MAML3: variants seen among roughly 807,000 people sequenced by gnomAD.
MAML3 encodes the protein mastermind-like protein 3.
A neutral mutation model predicts 101.9 loss-of-function variants in MAML3; 27 were observed. The observed-to-expected ratio is 0.27, with a 90% confidence interval of 0.20 to 0.37. The LOEUF (loss-of-function observed/expected upper bound fraction) is 0.37. MAML3 is among the 10% of genes least tolerant of loss of function. The pLI, the probability that MAML3 is intolerant of heterozygous loss-of-function variation, is 1.00. For missense variants in MAML3, 1,316 were observed against 1,444.9 expected (o/e 0.91, Z 1.45); for synonymous variants, 501 against 555.9 (o/e 0.90, Z 1.39).
At chr4:139,993,558 G>A (rs1578633701) in intron 1 of MAML3, among the ~76,000 whole-genome samples, 4 of 151,698 alleles carry the variant, frequency 2.6e-5, no homozygotes, top group Admixed American at 2.0e-4. Flanking sequence ...TGGCGCAGTG[G>A]CTCACTCCTG....
chr4:139,875,746 G>A (rs1732103152), intron 2 of MAML3, among the ~76,000 whole-genome samples: 1 of 152,052 alleles, frequency 6.6e-6, no homozygotes, highest in Non-Finnish European at 1.5e-5. Flanking sequence ...TGAAGGCAGT[G>A]AGCCACACAG....
At chr4:140,083,963 CACACAGAGAGAG>C (rs777477121) in intron 1 of MAML3, among the ~76,000 whole-genome samples, 28,533 of 65,638 alleles carry the variant, frequency 0.43, 3,308 homozygotes, top group Non-Finnish European at 0.5. Flanking sequence ...CACACACACA[CACACAGAGAGAG>C]AGAGAGAGAG....
intron 2 of MAML3, among the ~76,000 whole-genome samples, chr4:139,753,832 A>G (rs1729584644): frequency 6.6e-6 from 1 of 152,200 alleles, no homozygotes; most frequent in African/African-American, 2.4e-5. Context: ...ACCAAGACGC[A>G]CGGGTATGGC....
At chr4:140,128,981 G>A (rs914777445) in intron 1 of MAML3, among the ~76,000 whole-genome samples, 2 of 152,050 alleles carry the variant, frequency 1.3e-5, no homozygotes, top group East Asian at 1.9e-4. Flanking sequence ...GACCAACATC[G>A]AGAGGTCATC....
chr4:139,929,926 TG>T (rs1578602527), intron 1 of MAML3, among the ~76,000 whole-genome samples: 1 of 152,186 alleles, frequency 6.6e-6, no homozygotes, highest in East Asian at 1.9e-4. Flanking sequence ...TAAGGAAGTC[TG>T]GTGTGAATGC....
intron 1 of MAML3, among the ~76,000 whole-genome samples, chr4:140,104,554 C>A (rs12163869): frequency 0.17 from 24,276 of 144,722 alleles, 2,607 homozygotes; most frequent in Middle Eastern, 0.33. Context: ...TTCATTGCAA[C>A]CTCCACCTCC....
intron 1 of MAML3, among the ~76,000 whole-genome samples, chr4:140,026,404 G>A (rs895271893): frequency 1.3e-5 from 2 of 151,974 alleles, no homozygotes; most frequent in Admixed American, 6.6e-5. Context: ...ACAGGCATGC[G>A]CCACTACACC....
intron 1 of MAML3, among the ~76,000 whole-genome samples, chr4:140,056,713 G>A (rs1426687987): frequency 6.6e-6 from 1 of 151,548 alleles, no homozygotes; most frequent in Non-Finnish European, 1.5e-5. Context: ...GGGAGGCTAA[G>A]GCAGGAGAAT....
intron 2 of MAML3, among the ~76,000 whole-genome samples, chr4:139,848,272 G>A (rs951178665): frequency 1.3e-5 from 2 of 152,182 alleles, no homozygotes; most frequent in Non-Finnish European, 2.9e-5. Flanking sequence ...TGACAGCATC[G>A]ACGGCTGCTT....
At chr4:139,747,272 G>C (rs1441055145) in intron 2 of MAML3, among the ~76,000 whole-genome samples, 1 of 152,194 alleles carries the variant, frequency 6.6e-6, no homozygotes, top group Non-Finnish European at 1.5e-5. Context: ...GGCGCCGGTG[G>C]GAGGAGGGAG....
chr4:139,881,473 C>T (rs1732217036), intron 2 of MAML3, among the ~76,000 whole-genome samples: 1 of 152,156 alleles, frequency 6.6e-6, no homozygotes, highest in Non-Finnish European at 1.5e-5. Context: ...AAACAATCTA[C>T]AAACATTGAC....
chr4:139,899,526 C>T (rs1168799278), intron 1 of MAML3, among the ~76,000 whole-genome samples: 2 of 152,132 alleles, frequency 1.3e-5, no homozygotes, highest in Admixed American at 1.3e-4. Context: ...TCGGGCTCTG[C>T]GCCAGGTGCC....
chr4:139,987,302 C>T (rs1734556197), intron 1 of MAML3, among the ~76,000 whole-genome samples: 1 of 152,094 alleles, frequency 6.6e-6, no homozygotes, highest in African/African-American at 2.4e-5. Context: ...AGCAAACAGC[C>T]TCAAAGAAAA....
chr4:139,788,406 A>G (rs1730343841), intron 2 of MAML3, among the ~76,000 whole-genome samples: 1 of 152,188 alleles, frequency 6.6e-6, no homozygotes, highest in Non-Finnish European at 1.5e-5. Flanking sequence ...CTGATTTCTT[A>G]TCTTAGATAC....
intron 1 of MAML3, among the ~76,000 whole-genome samples, chr4:139,964,776 A>T (rs1734094466): frequency 6.6e-6 from 1 of 151,390 alleles, no homozygotes; most frequent in Non-Finnish European, 1.5e-5. Context: ...CTTATTTTAG[A>T]TTTCTTCCAT....
At chr4:139,772,416 A>G (rs897726227) in intron 2 of MAML3, among the ~76,000 whole-genome samples, 48 of 151,368 alleles carry the variant, frequency 3.2e-4, no homozygotes, top group Non-Finnish European at 1.2e-4. Context: ...ATCTCGGCTC[A>G]CTGCAACCTC....
At chr4:139,775,362 T>G (rs1204487395) in intron 2 of MAML3, among the ~76,000 whole-genome samples, 1 of 152,060 alleles carries the variant, frequency 6.6e-6, no homozygotes, top group Non-Finnish European at 1.5e-5. Flanking sequence ...AGGATGAGAG[T>G]AACCCTTCAA....
intron 1 of MAML3, among the ~76,000 whole-genome samples, chr4:140,124,251 T>G (rs1728652460): frequency 6.6e-6 from 1 of 152,212 alleles, no homozygotes; most frequent in South Asian, 2.1e-4. Context: ...GTGTCTATGT[T>G]AGCACCTTGA....
At chr4:140,066,936 T>C (rs1727546304) in intron 1 of MAML3, among the ~76,000 whole-genome samples, 1 of 152,262 alleles carries the variant, frequency 6.6e-6, no homozygotes, top group South Asian at 2.1e-4. Context: ...AGGGATTTTA[T>C]ACCACACAGG....
Sources: gnomAD v4.1 joint callset for allele counts (sites outside exome capture counted in the v4.1 genomes callset) on GRCh38, gnomAD v4.1.1 for gene constraint, MANE v1.5 for transcripts, NCBI Gene and HGNC (gene_info 2026-07-23, HGNC 2026-07-21) for gene names.